The following RTP3 variants were observed in gnomAD, a reference collection of about 807,000 sequenced individuals.
The protein encoded by RTP3 is receptor-transporting protein 3.
A neutral mutation model predicts 6.2 loss-of-function variants in RTP3; 2 were observed. The observed-to-expected ratio is 0.32, with a 90% CI of 0.13 to 1.02. RTP3 has a LOEUF of 1.02. RTP3 is among the 50% of genes least tolerant of loss of function. RTP3 has a pLI of 0.47. For synonymous variants in RTP3, 106 were observed against 98.3 expected (o/e 1.08, Z -0.47); for missense variants, 252 against 280.8 (o/e 0.90, Z 0.73).
chr3:46,500,796 A>G lies in RTP3; in HGVS notation c.596A>G (p.Tyr199Cys), dbSNP rs147475691. The G allele has an allele frequency of 1.7e-5, 28 of 1,614,020 alleles. No individual in the cohort carries two copies. Among genetic ancestry groups the G allele is most frequent in the African/African-American group, 6.7e-5 (5 of 74,934 alleles). ...VKPWASGENV[Y>C]SYACQNHICR... ...CCCTGGGCCTCAGGAGAGAATGTCT[A>G]TTCCTACGCATGCCAAAACCACATC... is the stretch of plus-strand genomic sequence containing the variant. Residue 199 changes from tyrosine to cysteine, a missense_variant, in exon 2 of 2, where the codon TAT becomes TGT. Tyr to Cys is a radical substitution (Grantham distance 194). Coordinates refer to ENST00000296142, the MANE Select transcript of RTP3 (RefSeq NM_031440.2).
intron 1 of RTP3, 99 bp from the exon 2 acceptor site, chr3:46,500,257 G>A (rs1703690796): frequency 4.5e-6 from 6 of 1,336,796 alleles, no homozygotes; most frequent in Non-Finnish European, 6.1e-6. Context: ...CCCCAGTCAA[G>A]TCATGTCTCT....
At chr3:46,498,838 A>G (rs944527230) in intron 1 of RTP3, among the ~76,000 whole-genome samples, 1 of 152,172 alleles carries the variant, frequency 6.6e-6, no homozygotes, top group Non-Finnish European at 1.5e-5. Context: ...CCTCCCAGGG[A>G]GAGTCTACAT....
intron 1 of RTP3, among the ~76,000 whole-genome samples, chr3:46,498,941 A>G (rs1476321683): frequency 6.6e-6 from 1 of 152,210 alleles, no homozygotes; most frequent in African/African-American, 2.4e-5. Flanking sequence ...CCATTTATCC[A>G]TGGGAAGTTT....
rs777788033 is a variant in RTP3 at position 46,500,725 on chromosome 3, G to T, written c.525G>T (p.Gln175His). 4.3e-6 allele frequency: 7 copies of T among 1,614,002 alleles called. No homozygotes were observed. The highest frequency in any genetic ancestry group is 5.9e-6 in the Non-Finnish European group (7 of 1,179,970). ...AGGTTACAAGCCTCCCCCCATCTCA[G>T]ACCCCAAGAGTACACTCCATTTACA... is the stretch of plus-strand genomic sequence containing the variant. ...PIQVTSLPPS[Q>H]TPRVHSIYKV... is the part of the protein sequence containing the mutation. The change falls in exon 2 of 2, where the codon CAG becomes CAT. Residue 175 changes from glutamine (Q) to histidine (H), a missense_variant. Physicochemically the swap from Gln to His is conservative, Grantham distance 24. Coordinates refer to ENST00000296142, the MANE Select transcript of RTP3 (RefSeq NM_031440.2).
At position 46,498,226 on chromosome 3, in the gene RTP3, G is replaced by A. The variant is rs1703669892; in HGVS notation, c.155+9G>A. ...CAGTGGACCTTCGCCAGGTGAGGGGGAATGTGATGGTACACGTTCCAGAAA... is the reference window on the plus strand; with the variant it reads ...CAGTGGACCTTCGCCAGGTGAGGGGAAATGTGATGGTACACGTTCCAGAAA... On this transcript the variant is annotated intron_variant, in intron 1 of 1. Transcript: ENST00000296142. 1.2e-6 allele frequency: 2 copies of A among 1,614,046 alleles called. No homozygotes were observed. The highest frequency in any genetic ancestry group is 2.2e-5 in the South Asian group (2 of 91,088).
In RTP3 at chr3:46,498,055, C is replaced by G; in HGVS notation, c.-8C>G. The G allele has an allele frequency of 6.2e-7, 1 of 1,614,040 alleles. No individual in the cohort carries two copies. The highest frequency in any genetic ancestry group is 8.5e-7 in the Non-Finnish European group (1 of 1,180,016). On this transcript the variant is annotated 5_prime_UTR_variant, in exon 1 of 2. Coordinates refer to ENST00000296142, the MANE Select transcript of RTP3 (RefSeq NM_031440.2). ...CTCGACCCACCCAGGCACACCATAG[C>G]CCCAGAGATGGCTGGGGACACAGAA...
Position 46,500,572 on chromosome 3 carries a change from G to A in RTP3, c.372G>A (p.Lys124=), listed in dbSNP as rs1402281222. 1.9e-6 allele frequency: 3 copies of A among 1,614,208 alleles called. No individual in the cohort carries two copies. The highest frequency in any genetic ancestry group is 2.5e-6 in the Non-Finnish European group (3 of 1,180,046). Residue 124 remains lysine, a synonymous_variant, in exon 2 of 2, where the codon AAG becomes AAA. Coordinates refer to ENST00000296142, the MANE Select transcript of RTP3 (RefSeq NM_031440.2). ...ILKNLVFRIL[K]KCYRGRFQLI... is the part of the protein sequence containing the mutation. Reference sequence around the variant, plus strand: ...AAAACCTGGTGTTCCGAATTCTGAAGAAATGCTATAGAGGAAGATTTCAGT... The same window carrying A: ...AAAACCTGGTGTTCCGAATTCTGAAAAAATGCTATAGAGGAAGATTTCAGT...
At chr3:46,499,789 G>A (rs1453562992) in intron 1 of RTP3, among the ~76,000 whole-genome samples, 1 of 151,968 alleles carries the variant, frequency 6.6e-6, no homozygotes, top group Non-Finnish European at 1.5e-5. Flanking sequence ...GCAGACCAGG[G>A]ACCCTCGGCA....
In RTP3 at chr3:46,500,638, A is replaced by G; in HGVS notation, c.438A>G (p.Glu146=). The change falls in exon 2 of 2, where the codon GAA becomes GAG. Residue 146 remains glutamate (E), a synonymous_variant. Coordinates refer to ENST00000296142, the MANE Select transcript of RTP3 (RefSeq NM_031440.2). ...CTATGATCAAGGACATCTCTCTTGA[A>G]GGGCCACACAATAGTGACAACTGTG... The part of the protein sequence containing the change: ...EVPMIKDISL[E]GPHNSDNCEA... 2 of 1,614,180 alleles carry G rather than the reference A, an allele frequency of 1.2e-6. No homozygotes were observed. Among genetic ancestry groups the G allele is most frequent in the Middle Eastern group, 1.6e-4 (1 of 6,062 alleles).
At chr3:46,499,211 G>A (rs911132950) in intron 1 of RTP3, among the ~76,000 whole-genome samples, 3 of 152,222 alleles carry the variant, frequency 2.0e-5, no homozygotes, top group African/African-American at 7.2e-5. Flanking sequence ...TTCACCACCT[G>A]CAGCCTAATT....
chr3:46,498,576 G>T (rs1293826952), intron 1 of RTP3, among the ~76,000 whole-genome samples: 1 of 152,172 alleles, frequency 6.6e-6, no homozygotes, highest in Non-Finnish European at 1.5e-5. Context: ...CCACCTTGGA[G>T]CCCCTAGGAG....
chr3:46,498,873 G>A (rs1703676453), intron 1 of RTP3, among the ~76,000 whole-genome samples: 1 of 152,212 alleles, frequency 6.6e-6, no homozygotes, highest in African/African-American at 2.4e-5. Flanking sequence ...TCTCCCACTG[G>A]CCTATGGCTA....
At chr3:46,499,544 C>T (rs1163337055) in intron 1 of RTP3, among the ~76,000 whole-genome samples, 1 of 152,240 alleles carries the variant, frequency 6.6e-6, no homozygotes, top group Non-Finnish European at 1.5e-5. Flanking sequence ...TTCCCAGGTG[C>T]AGCCATGTGC....
rs572680062 is a variant in RTP3 at position 46,497,979 on chromosome 3, T to C, written c.-84T>C. 1.1e-4 allele frequency: 171 copies of C among 1,487,240 alleles called. No individual in the cohort carries two copies. The highest frequency in any genetic ancestry group is 9.8e-4 in the Middle Eastern group (5 of 5,092). The allele number at this position is 1,487,240 out of a possible 1,614,324, so 92.1% of individuals were successfully genotyped here. ...AGGGCAGGTCTGAGTCCTTGCCCTC[T>C]GAAGTCAGAAACCTCATCTCCCACT... On this transcript the variant is annotated 5_prime_UTR_variant, in exon 1 of 2. Transcript: ENST00000296142.
rs773801612 is a variant in RTP3, at chr3:46,500,801, T to C, written c.601T>C (p.Tyr201His). The change falls in exon 2 of 2, where the codon TAC (tyrosine) becomes CAC (histidine). Residue 201 changes from tyrosine (Y) to histidine (H), a missense_variant. By Grantham distance (83) the Tyr-to-His change is moderately conservative (BLOSUM62 2). Coordinates refer to ENST00000296142, the MANE Select transcript of RTP3 (RefSeq NM_031440.2). Reference sequence around the variant, plus strand: ...GGCCTCAGGAGAGAATGTCTATTCCTACGCATGCCAAAACCACATCTGTAG... The same window carrying C: ...GGCCTCAGGAGAGAATGTCTATTCCCACGCATGCCAAAACCACATCTGTAG... ...PWASGENVYS[Y>H]ACQNHICRNL... 3.1e-6 allele frequency: 5 copies of C among 1,613,974 alleles called. No homozygotes were observed. Among genetic ancestry groups the C allele is most frequent in the East Asian group, 2.2e-5 (1 of 44,904 alleles).
At chr3:46,499,315 G>A (rs1455851213) in intron 1 of RTP3, among the ~76,000 whole-genome samples, 3 of 152,184 alleles carry the variant, frequency 2.0e-5, no homozygotes, top group East Asian at 1.9e-4. Context: ...CAAGGTCACC[G>A]AAGCAGAGGA....
rs1559620269 is a variant in RTP3 at position 46,500,815 on chromosome 3, C to T, written c.615C>T (p.Asn205=). 3 of 1,613,624 alleles carry T rather than the reference C, an allele frequency of 1.9e-6. No individual in the cohort carries two copies. Among genetic ancestry groups the T allele is most frequent in the Non-Finnish European group, 2.5e-6 (3 of 1,179,894 alleles). ...GENVYSYACQ[N]HICRNLSIFC... ...ATGTCTATTCCTACGCATGCCAAAACCACATCTGTAGGAACTTAAGCATTT... is the reference window on the plus strand; with the variant it reads ...ATGTCTATTCCTACGCATGCCAAAATCACATCTGTAGGAACTTAAGCATTT... The change falls in exon 2 of 2, where the codon AAC becomes AAT. Residue 205 remains asparagine, a synonymous_variant. Transcript: ENST00000296142.
In RTP3 at chr3:46,500,502, T is replaced by C. The variant is rs769483095; in HGVS notation, c.302T>C (p.Phe101Ser). The change falls in exon 2 of 2, where the codon TTT becomes TCT. Residue 101 changes from phenylalanine (F) to serine (S), a missense_variant. Phe to Ser is a radical substitution (Grantham distance 155). Coordinates refer to ENST00000296142, the MANE Select transcript of RTP3 (RefSeq NM_031440.2). ...TGTAAGAAGTGCCCCCAACCTCTGT[T>C]TGAGGACCCTGAGTTCACACAAGAG... ...QRCKKCPQPLFEDPEFTQENI... is the reference protein window; with the variant it reads ...QRCKKCPQPLSEDPEFTQENI... The C allele has an allele frequency of 5.6e-6, 9 of 1,614,052 alleles. No individual in the cohort carries two copies. In the East Asian group the frequency reaches 1.8e-4, roughly 32 times the overall value.
In RTP3 at chr3:46,499,331, G is replaced by C. The variant is rs369065218; in HGVS notation, c.156-1025G>C. On this transcript the variant is annotated intron_variant, in intron 1 of 1. Coordinates refer to ENST00000296142, the MANE Select transcript of RTP3 (RefSeq NM_031440.2). ...AAGGTCACCGAAGCAGAGGAGGAGAGAGCTGGAATGTCTTACCAAGGCTTC... is the reference window on the plus strand; with the variant it reads ...AAGGTCACCGAAGCAGAGGAGGAGACAGCTGGAATGTCTTACCAAGGCTTC... Among the ~76,000 whole-genome samples the C allele has an allele frequency of 2.4e-4, 36 of 152,344 alleles. No individual in the cohort carries two copies. In the South Asian group the frequency reaches 7.0e-3, roughly 30 times the overall value.
Sources: allele counts gnomAD v4.1 joint callset (sites outside exome capture counted in the v4.1 genomes callset), GRCh38; gene constraint gnomAD v4.1.1; transcripts MANE v1.5; gene names NCBI Gene and HGNC (gene_info 2026-07-23, HGNC 2026-07-21).